Variants in ZNF330 observed in about 807,000 individuals in gnomAD.
The protein encoded by ZNF330 is nucleolar atypical zinc finger.
ZNF330 carries 31 observed loss-of-function variants against 45.5 expected under a neutral mutation model. The observed-to-expected ratio is 0.68, with a 90% CI of 0.51 to 0.92. The LOEUF (loss-of-function observed/expected upper bound fraction) is 0.92. ZNF330 is among the 40% of genes least tolerant of loss of function. The pLI is 0.00. For missense variants in ZNF330, 356 were observed against 387.4 expected (o/e 0.92, Z 0.68); for synonymous variants, 138 against 123.2 (o/e 1.12, Z -0.79).
intron 4 of ZNF330, among the ~76,000 whole-genome samples, chr4:141,225,823 AG>A (rs1319397372): frequency 6.6e-6 from 1 of 152,076 alleles, no homozygotes; most frequent in African/African-American, 2.4e-5. Flanking sequence ...AGTTCTTGCT[AG>A]GACTTACCCC....
chr4:141,229,010 T>A (rs1210999932), intron 5 of ZNF330, among the ~76,000 whole-genome samples: 1 of 152,154 alleles, frequency 6.6e-6, no homozygotes, highest in Non-Finnish European at 1.5e-5. Flanking sequence ...CCATATATTT[T>A]ACTTCAAATT....
chr4:141,227,930 C>T (rs1226323170), intron 5 of ZNF330, among the ~76,000 whole-genome samples: 3 of 152,022 alleles, frequency 2.0e-5, no homozygotes, highest in Admixed American at 2.0e-4. Flanking sequence ...TTTCCTGAAA[C>T]ATGTTTTCCT....
In ZNF330 at chr4:141,224,621, G is replaced by A. The variant is rs144964076; in HGVS notation, c.155G>A (p.Arg52Lys). ...TACATGACAAGGCGGCAGAAGAATAGAGCATTTTGCTACTTTTGTAATTCT... is the reference window on the plus strand; with the variant it reads ...TACATGACAAGGCGGCAGAAGAATAAAGCATTTTGCTACTTTTGTAATTCT... ...CDKCQRRQKNRAFCYFCNSVQ... is the reference protein window; with the variant it reads ...CDKCQRRQKNKAFCYFCNSVQ... Residue 52 changes from arginine to lysine, a missense_variant, in exon 4 of 10, where the codon AGA (arginine) becomes AAA (lysine). Transcript: ENST00000262990. 127 of 1,613,574 alleles carry A rather than the reference G, an allele frequency of 7.9e-5. No individual in the cohort carries two copies. The African/African-American group carries it at 1.4e-3, about 18-fold the overall frequency.
chr4:141,229,959 GA>G (rs1171399563), intron 6 of ZNF330, among the ~76,000 whole-genome samples: 1 of 152,012 alleles, frequency 6.6e-6, no homozygotes, highest in East Asian at 1.9e-4. Flanking sequence ...GTAGCTAGTG[GA>G]GAGTAAGAGC....
intron 4 of ZNF330, among the ~76,000 whole-genome samples, chr4:141,224,993 C>T (rs1165227077): frequency 6.6e-6 from 1 of 152,006 alleles, no homozygotes; most frequent in Non-Finnish European, 1.5e-5. Context: ...GTTATACTAC[C>T]TTAGTCTTGT....
At chr4:141,221,779 A>G (rs1010156727) in intron 1 of ZNF330, among the ~76,000 whole-genome samples, 2 of 131,292 alleles carry the variant, frequency 1.5e-5, no homozygotes, top group Admixed American at 7.1e-5. Flanking sequence ...TGTAGAGGGA[A>G]GAGCATTTGT....
chr4:141,226,886 G>C, intron 5 of ZNF330, 40 bp downstream of exon 5: 1 of 1,494,736 alleles, frequency 6.7e-7, no homozygotes, highest in Non-Finnish European at 9.2e-7. Flanking sequence ...ACGTTTTCAA[G>C]GATAAGAAAA....
chr4:141,226,339 G>A (rs1274685824), intron 4 of ZNF330, among the ~76,000 whole-genome samples: 1 of 152,198 alleles, frequency 6.6e-6, no homozygotes, highest in South Asian at 2.1e-4. Context: ...TTATTCTGTG[G>A]AAAGAAATAA....
chr4:141,222,726 A>C (rs1728712402), intron 2 of ZNF330: 1 of 299,712 alleles, frequency 3.3e-6, no homozygotes, highest in East Asian at 5.6e-5. Flanking sequence ...AAAGGTAGAT[A>C]TTGGACAAGA....
In ZNF330 at chr4:141,229,654, C is replaced by T. The variant is rs375273795; in HGVS notation, c.375C>T (p.Thr125=). 23 of 1,612,908 alleles carry T rather than the reference C, an allele frequency of 1.4e-5. No individual in the cohort carries two copies. The African/African-American group carries it at 1.5e-4, about 10-fold the overall frequency. Residue 125 remains threonine (T), a synonymous_variant, in exon 6 of 10, where the codon ACC becomes ACT. Transcript: ENST00000262990. ...LSTHACACPL[T]DAECVECERG... ...CACATGCTTGTGCCTGCCCTCTTAC[C>T]GATGCTGAGTGTGTTGAATGTGAAC...
intron 8 of ZNF330, among the ~76,000 whole-genome samples, chr4:141,231,807 G>A (rs183624589): frequency 4.6e-5 from 7 of 152,196 alleles, no homozygotes; most frequent in Non-Finnish European, 8.8e-5. Flanking sequence ...GCTTAGAAGA[G>A]TTTGGGTAAA....
At chr4:141,221,501 C>T (rs1173650171) in intron 1 of ZNF330, among the ~76,000 whole-genome samples, 1 of 152,178 alleles carries the variant, frequency 6.6e-6, no homozygotes, top group African/African-American at 2.4e-5. Flanking sequence ...TTGGCCAGGG[C>T]AGCACGCCCT....
intron 2 of ZNF330, chr4:141,223,938 C>A: frequency 5.7e-6 from 2 of 352,332 alleles, no homozygotes; most frequent in African/African-American, 2.1e-5. Context: ...GAATGGCTGA[C>A]CATTAGTGAC....
At chr4:141,224,165 A>G (rs2111247553) in intron 2 of ZNF330, 1 of 404,108 alleles carries the variant, frequency 2.5e-6, no homozygotes. Flanking sequence ...CTTAGAATGT[A>G]CTTAACTATC....
At chr4:141,231,115 T>C (rs1289154631) in intron 7 of ZNF330, among the ~76,000 whole-genome samples, 1 of 152,092 alleles carries the variant, frequency 6.6e-6, no homozygotes, top group Non-Finnish European at 1.5e-5. Flanking sequence ...ACATACATAC[T>C]ACACACACAT....
chr4:141,221,764 C>T (rs1282722924), intron 1 of ZNF330, among the ~76,000 whole-genome samples: 1 of 146,482 alleles, frequency 6.8e-6, no homozygotes, highest in East Asian at 2.1e-4. Context: ...TACATGCTCA[C>T]TGCGTGTAGA....
chr4:141,230,803 A>G (rs578019040), intron 7 of ZNF330, among the ~76,000 whole-genome samples: 29 of 152,268 alleles, frequency 1.9e-4, no homozygotes, highest in African/African-American at 6.7e-4. Context: ...TAACCTATAC[A>G]CAAAATTCTC....
In ZNF330 at chr4:141,233,738, C is replaced by T; in HGVS notation, c.712C>T (p.Gln238Ter). The part of the protein sequence containing the change: ...MSTRSLKFGR[Q>*]TGGEEGDGAS... ...AGCACGCTCCCTGAAATTTGGCAGG[C>T]AGACTGGAGGTGAAGAGGGAGATGG... The change falls in exon 10 of 10, where the codon CAG becomes TAG. Residue 238 changes from glutamine (Q) to a stop codon, truncating the protein, a stop_gained. Transcript: ENST00000262990. LOFTEE classifies it high-confidence loss of function. 1.2e-6 allele frequency: 2 copies of T among 1,613,102 alleles called. No individual in the cohort carries two copies. Among genetic ancestry groups the T allele is most frequent in the Non-Finnish European group, 1.7e-6 (2 of 1,179,470 alleles).
Position 141,222,486 on chromosome 4 carries a change from T to G in ZNF330, c.115T>G (p.Ser39Ala). The change falls in exon 2 of 10, where the codon TCA (serine) becomes GCA (alanine). Residue 39 changes from serine to alanine, a missense_variant. By Grantham distance (99) the Ser-to-Ala change is moderately conservative. Transcript: ENST00000262990. ...IDLAKHPCNA[S>A]MECDKCQRRQ... The stretch of plus-strand genomic sequence containing the variant: ...TTTAGCTAAACATCCATGTAATGCC[T>G]CAATGGTATCAGCTTTTTTTGATAT... 6.2e-7 allele frequency: 1 copy of G among 1,610,768 alleles called. No individual in the cohort carries two copies. The highest frequency in any genetic ancestry group is 1.1e-5 in the South Asian group (1 of 90,820).
Sources: gnomAD v4.1 joint callset for allele counts (sites outside exome capture counted in the v4.1 genomes callset) on GRCh38, gnomAD v4.1.1 for gene constraint, MANE v1.5 for transcripts, NCBI Gene and HGNC (gene_info 2026-07-23, HGNC 2026-07-21) for gene names.